EFNA5: variants seen among roughly 807,000 people sequenced by gnomAD.
EFNA5 encodes the protein ephrin-A5.
In EFNA5, 5 loss-of-function variants were observed where a neutral mutation model predicts 22.9. The observed-to-expected ratio is 0.22, with a 90% confidence interval of 0.11 to 0.46. The LOEUF is 0.46. EFNA5 is among the 20% of genes least tolerant of loss of function. The pLI is 0.99. For synonymous variants in EFNA5, 113 were observed against 112.2 expected (o/e 1.01, Z -0.04); for missense variants, 237 against 293.3 (o/e 0.81, Z 1.40).
intron 1 of EFNA5, among the ~76,000 whole-genome samples, chr5:107,484,321 C>T (rs28764): frequency 0.15 from 23,526 of 152,088 alleles, 3,464 homozygotes; most frequent in African/African-American, 0.37. Flanking sequence ...CCGCTGTTCC[C>T]ACTACTAATA....
chr5:107,625,960 C>T (rs892186458), intron 1 of EFNA5, among the ~76,000 whole-genome samples: 1 of 152,168 alleles, frequency 6.6e-6, no homozygotes, highest in Admixed American at 6.5e-5. Context: ...ACTATAGCTA[C>T]AGACACATTG....
rs1302496338 is a variant in EFNA5, at chr5:107,427,389, C to T, written c.246G>A (p.Val82=). 2 of 1,614,078 alleles carry T rather than the reference C, an allele frequency of 1.2e-6. No homozygotes were observed. The highest frequency in any genetic ancestry group is 1.7e-6 in the Non-Finnish European group (2 of 1,180,012). The stretch of plus-strand genomic sequence containing the variant: ...CGCAGGCACTGTAGCCATCAAAGTT[C>T]ACCATGTAGAGGACATAGCGCTCAG... The part of the protein sequence containing the change: ...DKTERYVLYM[V]NFDGYSACDH... The change falls in exon 2 of 5, where the codon GTG becomes GTA. Residue 82 remains valine, a synonymous_variant. Coordinates refer to ENST00000333274, the MANE Select transcript of EFNA5 (RefSeq NM_001962.3).
At chr5:107,489,503 G>T (rs1005709763) in intron 1 of EFNA5, among the ~76,000 whole-genome samples, 5 of 152,244 alleles carry the variant, frequency 3.3e-5, no homozygotes, top group African/African-American at 9.6e-5. Context: ...AAACTTAACA[G>T]ATTAAAATTT....
chr5:107,600,654 T>C (rs941199447), intron 1 of EFNA5, among the ~76,000 whole-genome samples: 3 of 151,836 alleles, frequency 2.0e-5, no homozygotes, highest in African/African-American at 7.3e-5. Context: ...GCCCCCTTAA[T>C]TTTTTGTATT....
intron 2 of EFNA5, among the ~76,000 whole-genome samples, chr5:107,420,598 G>T (rs1414775151): frequency 6.7e-6 from 1 of 149,698 alleles, no homozygotes; most frequent in Non-Finnish European, 1.5e-5. Context: ...TCCACTCTCT[G>T]CTTTGATGTT....
At chr5:107,503,443 G>A (rs1013642562) in intron 1 of EFNA5, among the ~76,000 whole-genome samples, 10 of 152,180 alleles carry the variant, frequency 6.6e-5, no homozygotes, top group African/African-American at 2.4e-4. Flanking sequence ...TCTAAGAAGA[G>A]GTGTTCCGAT....
intron 1 of EFNA5, among the ~76,000 whole-genome samples, chr5:107,616,110 A>G (rs1164762669): frequency 6.6e-6 from 1 of 152,210 alleles, no homozygotes. Context: ...AAACCTTTCC[A>G]TGTAGCATCT....
intron 1 of EFNA5, among the ~76,000 whole-genome samples, chr5:107,652,645 T>C (rs549325493): frequency 7.4e-4 from 112 of 152,304 alleles, no homozygotes; most frequent in Middle Eastern, 3.4e-3. Context: ...ACAATCCAAA[T>C]ATGCTATTGG....
At chr5:107,644,850 T>G (rs182175945) in intron 1 of EFNA5, among the ~76,000 whole-genome samples, 2 of 152,250 alleles carry the variant, frequency 1.3e-5, no homozygotes, top group African/African-American at 4.8e-5. Flanking sequence ...TACAGGCATG[T>G]GCCACAATAC....
chr5:107,438,379 C>T (rs141745582), intron 1 of EFNA5, among the ~76,000 whole-genome samples: 212 of 152,290 alleles, frequency 1.4e-3, no homozygotes, highest in African/African-American at 4.5e-3. Flanking sequence ...ATCCTGCAAT[C>T]GCCTATCACA....
At chr5:107,508,991 G>C (rs1156720197) in intron 1 of EFNA5, among the ~76,000 whole-genome samples, 1 of 152,050 alleles carries the variant, frequency 6.6e-6, no homozygotes, top group African/African-American at 2.4e-5. Context: ...GATATTTTAG[G>C]TATTCTGGTT....
intron 1 of EFNA5, among the ~76,000 whole-genome samples, chr5:107,449,442 C>T (rs868033685): frequency 1.3e-5 from 2 of 151,884 alleles, no homozygotes; most frequent in East Asian, 3.9e-4. Flanking sequence ...TAGGTGATGA[C>T]AACTAATAGA....
intron 1 of EFNA5, among the ~76,000 whole-genome samples, chr5:107,489,446 C>T (rs1746738217): frequency 6.6e-6 from 1 of 152,200 alleles, no homozygotes; most frequent in African/African-American, 2.4e-5. Context: ...GCTGGGATTA[C>T]AGGCATGAAC....
At chr5:107,395,714 T>C (rs935624190) in intron 2 of EFNA5, among the ~76,000 whole-genome samples, 119 of 152,208 alleles carry the variant, frequency 7.8e-4, no homozygotes, top group African/African-American at 2.7e-3. Flanking sequence ...TTTGTGGTTA[T>C]TTTGGTGAAC....
chr5:107,590,606 T>C lies in EFNA5; in HGVS notation c.125+79883A>G, dbSNP rs931682944. ...CAGGGTCCTACTGTGTTGCCCAGGA[T>C]AGTCTTGAACTCCTGAGCTCAAGTG... On this transcript the variant is annotated intron_variant, in intron 1 of 4. Coordinates refer to ENST00000333274, the MANE Select transcript of EFNA5 (RefSeq NM_001962.3). 5.2e-4 allele frequency among the ~76,000 whole-genome samples: 79 copies of C among 151,934 alleles called. 1 individual carries two copies. Among genetic ancestry groups the C allele is most frequent in the Admixed American group, 4.4e-3 (67 of 15,250 alleles).
intron 1 of EFNA5, among the ~76,000 whole-genome samples, chr5:107,618,470 T>C (rs1332989575): frequency 2.6e-5 from 4 of 152,284 alleles, no homozygotes; most frequent in Admixed American, 6.5e-5. Flanking sequence ...CTCAGGCCAG[T>C]AGACTGACAA....
At chr5:107,491,194 C>T (rs955714094) in intron 1 of EFNA5, among the ~76,000 whole-genome samples, 5 of 152,192 alleles carry the variant, frequency 3.3e-5, no homozygotes, top group East Asian at 1.9e-4. Flanking sequence ...CGGCCTCCAA[C>T]GACAGGACAA....
In EFNA5 at chr5:107,594,645, T is replaced by A. The variant is rs899671457; in HGVS notation, c.125+75844A>T. Among the ~76,000 whole-genome samples the A allele has an allele frequency of 4.3e-4, 66 of 152,190 alleles. 1 individual carries two copies. The highest frequency in any genetic ancestry group is 3.9e-3 in the Admixed American group (59 of 15,284). On this transcript the variant is annotated intron_variant, in intron 1 of 4. Coordinates refer to ENST00000333274, the MANE Select transcript of EFNA5 (RefSeq NM_001962.3). ...TTTACTCAGTTGGTGGTGTGGAACT[T>A]CATTTATTCATATTTTTAGCTACAA...
chr5:107,461,127 T>C (rs1377655195), intron 1 of EFNA5, among the ~76,000 whole-genome samples: 3 of 152,100 alleles, frequency 2.0e-5, no homozygotes, highest in African/African-American at 7.2e-5. Context: ...TCAGACTAGA[T>C]GATGACCCCT....
Sources: gnomAD v4.1 joint callset for allele counts (sites outside exome capture counted in the v4.1 genomes callset) on GRCh38, gnomAD v4.1.1 for gene constraint, MANE v1.5 for transcripts, NCBI Gene and HGNC (gene_info 2026-07-23, HGNC 2026-07-21) for gene names.